The following GPC3 variants were observed in gnomAD, a reference collection of about 807,000 sequenced individuals.
GPC3 encodes the protein glypican 3.
Under a neutral mutation model 34.4 loss-of-function variants are expected in GPC3, and 3 were observed. That is an observed-to-expected ratio of 0.09 (90% CI 0.04 to 0.23). GPC3 has a LOEUF of 0.23. Among genes scored for constraint, GPC3 ranks in the 10% least tolerant of loss-of-function variants. The pLI is 1.00. For missense variants in GPC3, 351 were observed against 445.6 expected (o/e 0.79, Z 1.91); for synonymous variants, 177 against 174.0 (o/e 1.02, Z -0.13).
intron 5 of GPC3, among the ~76,000 whole-genome samples, chrX:133,670,666 T>A (rs920948580): frequency 5.4e-5 from 6 of 112,148 alleles, no homozygotes; most frequent in African/African-American, 1.9e-4. Context: ...GAACGCATTC[T>A]GGCCACAACA....
At chrX:133,902,653 G>A (rs1196517191) in intron 2 of GPC3, among the ~76,000 whole-genome samples, 1 of 111,500 alleles carries the variant, frequency 9.0e-6, no homozygotes, top group Non-Finnish European at 1.9e-5. Context: ...AACCCAGGAG[G>A]CAGAGGTTAC....
At chrX:133,884,919 T>G (rs2076056138) in intron 2 of GPC3, among the ~76,000 whole-genome samples, 1 of 111,992 alleles carries the variant, frequency 8.9e-6, no homozygotes, top group African/African-American at 3.2e-5. Flanking sequence ...CATTGACTAA[T>G]CTCTGGTATT....
At chrX:133,764,545 G>C (rs1374537742) in intron 2 of GPC3, among the ~76,000 whole-genome samples, 1 of 111,768 alleles carries the variant, frequency 8.9e-6, no homozygotes, top group Non-Finnish European at 1.9e-5. Flanking sequence ...TGCTAATAAG[G>C]CTACCTTCAT....
chrX:133,683,317 A>G (rs759810347), intron 5 of GPC3, among the ~76,000 whole-genome samples: 1 of 112,383 alleles, frequency 8.9e-6, no homozygotes, highest in South Asian at 3.7e-4. Flanking sequence ...TTAAAAGCAG[A>G]TATGTTTCTT....
rs774454225 is a variant in GPC3, at chrX:133,719,645, TA to T, written c.1033-19618del. ...AAGTATAATAAAAAAAAATAAAAAA[TA>T]AAAAAAAGGAAATTTATGGCTGTAA... On this transcript the variant is annotated intron_variant, in intron 3 of 7. Transcript: ENST00000370818. Among the ~76,000 whole-genome samples the T allele has an allele frequency of 5.8e-3, 637 of 109,328 alleles. 12 individuals carry two copies. Among genetic ancestry groups the T allele is most frequent in the African/African-American group, 0.02 (601 of 30,143 alleles). 94.9% of individuals were successfully genotyped at this position (109,328 alleles called of 115,157 possible). A position where few individuals can be genotyped will look rare whatever the true frequency, so the allele number is the denominator to read the frequency against.
chrX:133,636,112 T>C (rs1050983042), intron 6 of GPC3, among the ~76,000 whole-genome samples: 1 of 111,945 alleles, frequency 8.9e-6, no homozygotes, highest in Non-Finnish European at 1.9e-5. Context: ...TTACACTTCC[T>C]GGTTCACAAA....
intron 2 of GPC3, chrX:133,763,708 C>T: frequency 2.0e-6 from 1 of 504,781 alleles, no homozygotes; most frequent in Non-Finnish European, 3.5e-6. Flanking sequence ...AGCTCTTAAG[C>T]AACATGGAAA....
intron 2 of GPC3, among the ~76,000 whole-genome samples, chrX:133,890,328 C>T (rs1274604234): frequency 9.0e-6 from 1 of 111,464 alleles, no homozygotes; most frequent in Non-Finnish European, 1.9e-5. Flanking sequence ...ATAATCCATT[C>T]TTTATATATC....
chrX:133,625,242 T>G (rs1043846365), intron 6 of GPC3, among the ~76,000 whole-genome samples: 4 of 111,836 alleles, frequency 3.6e-5, no homozygotes, highest in Non-Finnish European at 7.5e-5. Context: ...AGCATTTCCT[T>G]TGAAAACTGG....
chrX:133,966,250 A>G (rs892122535), intron 1 of GPC3, among the ~76,000 whole-genome samples: 2 of 112,501 alleles, frequency 1.8e-5, no homozygotes, highest in African/African-American at 6.5e-5. Flanking sequence ...AATACATGAA[A>G]AAAATTGTTT....
At chrX:133,799,981 G>A (rs1341686397) in intron 2 of GPC3, among the ~76,000 whole-genome samples, 2 of 111,814 alleles carry the variant, frequency 1.8e-5, no homozygotes, top group Non-Finnish European at 3.8e-5. Flanking sequence ...AATGACTTTG[G>A]AAGGAAGCCC....
intron 2 of GPC3, among the ~76,000 whole-genome samples, chrX:133,912,930 T>C (rs2076207328): frequency 9.1e-6 from 1 of 109,868 alleles, no homozygotes. Context: ...GGTGCACGCC[T>C]GTAGTCCCAG....
At chrX:133,758,341 C>A (rs905177466) in intron 2 of GPC3, among the ~76,000 whole-genome samples, 2 of 111,868 alleles carry the variant, frequency 1.8e-5, no homozygotes, top group Non-Finnish European at 3.8e-5. Flanking sequence ...AAATGTGGTA[C>A]ATACACATCT....
intron 2 of GPC3, among the ~76,000 whole-genome samples, chrX:133,890,429 A>C (rs1016493957): frequency 9.0e-6 from 1 of 111,088 alleles, no homozygotes; most frequent in Non-Finnish European, 1.9e-5. Context: ...AATAGATAAA[A>C]TATATAGGCC....
intron 7 of GPC3, among the ~76,000 whole-genome samples, chrX:133,568,185 G>T (rs976999647): frequency 2.7e-5 from 3 of 112,002 alleles, no homozygotes; most frequent in Admixed American, 1.9e-4. Flanking sequence ...TTTGTAGGCT[G>T]ACAAGGGAGC....
chrX:133,604,329 T>C (rs1603187708), intron 6 of GPC3, among the ~76,000 whole-genome samples: 1 of 112,191 alleles, frequency 8.9e-6, no homozygotes, highest in African/African-American at 3.2e-5. Context: ...ATAATTTCCA[T>C]TTCAATTCCA....
intron 2 of GPC3, among the ~76,000 whole-genome samples, chrX:133,865,115 T>C (rs189217322): frequency 8.9e-6 from 1 of 112,227 alleles, no homozygotes; most frequent in Non-Finnish European, 1.9e-5. Context: ...ATTACAGTTA[T>C]CTGTGGGATG....
chrX:133,913,227 A>G (rs2076209199), intron 2 of GPC3, among the ~76,000 whole-genome samples: 1 of 111,955 alleles, frequency 8.9e-6, no homozygotes, highest in Admixed American at 9.5e-5. Context: ...GCAGAGGAAG[A>G]AGACTTTCCA....
intron 5 of GPC3, among the ~76,000 whole-genome samples, chrX:133,668,152 C>A (rs1268047800): frequency 9.1e-6 from 1 of 110,349 alleles, no homozygotes; most frequent in African/African-American, 3.3e-5. Context: ...ATCCGCCCGC[C>A]CACCTCGGCC....
Sources: allele counts gnomAD v4.1 joint callset (sites outside exome capture counted in the v4.1 genomes callset), GRCh38; gene constraint gnomAD v4.1.1; transcripts MANE v1.5; gene names NCBI Gene and HGNC (gene_info 2026-07-23, HGNC 2026-07-21).